The following FBXO11 variants were observed in gnomAD, a reference collection of about 807,000 sequenced individuals.
FBXO11 encodes F-box protein 11, also known as F-box only protein 11.
A neutral mutation model predicts 117.0 loss-of-function variants in FBXO11; 13 were observed. That is an observed-to-expected ratio of 0.11 (90% confidence interval 0.07 to 0.18). The LOEUF (loss-of-function observed/expected upper bound fraction) is 0.18. Among genes scored for constraint, FBXO11 ranks in the 10% least tolerant of loss-of-function variants. The pLI, the probability that FBXO11 is intolerant of heterozygous loss-of-function variation, is 1.00. For synonymous variants in FBXO11, 490 were observed against 380.5 expected (o/e 1.29, Z -3.35); for missense variants, 767 against 1,164.4 (o/e 0.66, Z 4.97).
chr2:47,842,779 T>TAA (rs34363506), intron 1 of FBXO11, among the ~76,000 whole-genome samples: 14 of 134,034 alleles, frequency 1.0e-4, no homozygotes, highest in Non-Finnish European at 1.5e-4. Flanking sequence ...AATTTTTCTT[T>TAA]AAAAAAAAAA....
chr2:47,813,130 G>C, intron 18 of FBXO11, 104 bp downstream of exon 18: 2 of 1,155,890 alleles, frequency 1.7e-6, no homozygotes, highest in Non-Finnish European at 2.6e-6. Flanking sequence ...AAAGACTTGA[G>C]ATTCACTCAT....
chr2:47,891,922 G>A (rs1421827073), intron 1 of FBXO11, among the ~76,000 whole-genome samples: 2 of 152,040 alleles, frequency 1.3e-5, no homozygotes, highest in East Asian at 1.9e-4. Flanking sequence ...GTCTTCTCTG[G>A]AGAATGTCTA....
chr2:47,820,082 A>G (rs1335393125), intron 14 of FBXO11, among the ~76,000 whole-genome samples: 7 of 152,232 alleles, frequency 4.6e-5, no homozygotes, highest in Non-Finnish European at 1.0e-4. Context: ...GCTAGCCCAT[A>G]TTGCCAATAA....
intron 5 of FBXO11, 83 bp downstream of exon 5, chr2:47,835,789 C>A: frequency 8.9e-7 from 1 of 1,125,974 alleles, no homozygotes; most frequent in Non-Finnish European, 1.2e-6. Context: ...TGAGCCACCA[C>A]GCCCAGCCTA....
intron 20 of FBXO11, 155 bp from the exon 21 acceptor site, chr2:47,809,421 G>A (rs1022238477): frequency 1.9e-5 from 13 of 687,702 alleles, no homozygotes; most frequent in Non-Finnish European, 3.1e-5. Context: ...GCTAAGAATA[G>A]AATTTTCCTT....
chr2:47,853,792 G>T (rs1307235548), intron 1 of FBXO11, among the ~76,000 whole-genome samples: 1 of 152,186 alleles, frequency 6.6e-6, no homozygotes, highest in Non-Finnish European at 1.5e-5. Flanking sequence ...ATGGGATACT[G>T]AAAGTTACCA....
At chr2:47,890,729 G>A (rs1264598460) in intron 1 of FBXO11, among the ~76,000 whole-genome samples, 1 of 151,974 alleles carries the variant, frequency 6.6e-6, no homozygotes. Context: ...TCTTGAACTC[G>A]GGAGGCAGAG....
rs533533549 is a variant in FBXO11, at chr2:47,819,407, C to T, written c.1798-329G>A. Among the ~76,000 whole-genome samples the T allele has an allele frequency of 1.7e-3, 259 of 152,068 alleles. 1 individual carries two copies. Among genetic ancestry groups the T allele is most frequent in the African/African-American group, 5.8e-3 (242 of 41,478 alleles). Reference sequence around the variant, plus strand: ...ATTTTTGTATTTTTAGTAGAGATGGCGTTTCACCATCTTGGCCAGGGTGGT... The same window carrying T: ...ATTTTTGTATTTTTAGTAGAGATGGTGTTTCACCATCTTGGCCAGGGTGGT... On this transcript the variant is annotated intron_variant, in intron 14 of 22. Transcript: ENST00000403359.
At chr2:47,835,848 A>ATATATTCTATTT in intron 5 of FBXO11, 24 bp downstream of exon 5, 1 of 1,550,604 alleles carries the variant, frequency 6.4e-7, no homozygotes, top group South Asian at 1.2e-5. Context: ...ATATAAACCA[A>ATATATTCTATTT]TATATTCTAT....
intron 11 of FBXO11, among the ~76,000 whole-genome samples, chr2:47,831,582 T>TG (rs1455305826): frequency 1.3e-5 from 2 of 152,064 alleles, no homozygotes; most frequent in African/African-American, 4.8e-5. Flanking sequence ...TCTCCCATCT[T>TG]GGACTCCGCA....
chr2:47,849,963 T>C (rs1673731903), intron 1 of FBXO11, among the ~76,000 whole-genome samples: 1 of 152,214 alleles, frequency 6.6e-6, no homozygotes, highest in Non-Finnish European at 1.5e-5. Flanking sequence ...CAGTAATGTG[T>C]TCTGATTTTG....
intron 21 of FBXO11, 22 bp from the exon 22 acceptor site, chr2:47,808,449 T>A: frequency 6.4e-7 from 1 of 1,556,778 alleles, no homozygotes; most frequent in Non-Finnish European, 8.7e-7. Context: ...AAGCTTAAAT[T>A]ACTTTTCTCA....
intron 1 of FBXO11, among the ~76,000 whole-genome samples, chr2:47,902,056 C>G (rs1333542516): frequency 2.0e-5 from 3 of 152,222 alleles, no homozygotes; most frequent in Non-Finnish European, 4.4e-5. Context: ...CTGCCTCAGC[C>G]TCCAGAGTAG....
intron 16 of FBXO11, chr2:47,818,481 A>T (rs1671159886): frequency 3.7e-6 from 1 of 269,436 alleles, no homozygotes. Flanking sequence ...CAAGTATTTT[A>T]ACACAGACTT....
Position 47,839,255 on chromosome 2 carries a change from A to G in FBXO11, c.442+164T>C, listed in dbSNP as rs551133436. 4.2e-4 allele frequency among the ~76,000 whole-genome samples: 64 copies of G among 152,340 alleles called. 1 individual carries two copies. Among genetic ancestry groups the G allele is most frequent in the African/African-American group, 1.4e-3 (60 of 41,582 alleles). On this transcript the variant is annotated intron_variant, in intron 3 of 22. Coordinates refer to ENST00000403359, the MANE Select transcript of FBXO11 (RefSeq NM_001190274.2). ...ACATAAAAAGCATTTTTATACAACA[A>G]TAAAAGTCAGAGGGAGAGGTCAGGG...
intron 1 of FBXO11, among the ~76,000 whole-genome samples, chr2:47,851,346 C>A (rs987087866): frequency 6.6e-6 from 1 of 152,144 alleles, no homozygotes; most frequent in African/African-American, 2.4e-5. Flanking sequence ...CCTGCCTCAG[C>A]CTCCCAAGTA....
intron 1 of FBXO11, among the ~76,000 whole-genome samples, chr2:47,858,371 C>G (rs537742739): frequency 1.1e-4 from 16 of 151,460 alleles, no homozygotes; most frequent in Non-Finnish European, 2.4e-4. Context: ...TGTTCTAAAG[C>G]ATGAGTACTT....
intron 18 of FBXO11, among the ~76,000 whole-genome samples, chr2:47,812,382 C>T (rs1670679400): frequency 6.6e-6 from 1 of 152,190 alleles, no homozygotes; most frequent in Non-Finnish European, 1.5e-5. Context: ...TAAATATCTA[C>T]TCATTTTTCA....
chr2:47,858,960 A>G (rs1674534153), intron 1 of FBXO11, among the ~76,000 whole-genome samples: 1 of 150,968 alleles, frequency 6.6e-6, no homozygotes, highest in South Asian at 2.1e-4. Context: ...AATGGCTTGA[A>G]TCCGGGAGGC....
Sources: allele counts gnomAD v4.1 joint callset (sites outside exome capture counted in the v4.1 genomes callset), GRCh38; gene constraint gnomAD v4.1.1; transcripts MANE v1.5; gene names NCBI Gene and HGNC (gene_info 2026-07-23, HGNC 2026-07-21).